Variants in XKR4 observed in about 807,000 individuals in gnomAD.
The protein encoded by XKR4 is XK related 4.
Under a neutral mutation model 53.9 loss-of-function variants are expected in XKR4, and 12 were observed. That is an observed-to-expected ratio of 0.22 (90% CI 0.14 to 0.36). The LOEUF is 0.36. XKR4 is among the 10% of genes least tolerant of loss of function. The pLI is 1.00. For synonymous variants in XKR4, 354 were observed against 362.4 expected (o/e 0.98, Z 0.26); for missense variants, 799 against 859.5 (o/e 0.93, Z 0.88).
intron 2 of XKR4, among the ~76,000 whole-genome samples, chr8:55,360,126 G>A (rs1042183767): frequency 6.6e-6 from 1 of 152,184 alleles, no homozygotes; most frequent in Non-Finnish European, 1.5e-5. Context: ...GAGTCAAGAG[G>A]AGGAATAAGC....
intron 2 of XKR4, among the ~76,000 whole-genome samples, chr8:55,374,648 A>T (rs1295363317): frequency 6.6e-6 from 1 of 152,182 alleles, no homozygotes; most frequent in African/African-American, 2.4e-5. Flanking sequence ...CAGGAAGAGC[A>T]TGGGGATGGG....
intron 1 of XKR4, among the ~76,000 whole-genome samples, chr8:55,210,583 AT>A (rs1817718162): frequency 6.6e-6 from 1 of 152,228 alleles, no homozygotes; most frequent in Non-Finnish European, 1.5e-5. Context: ...AAGAAAAACT[AT>A]TTTGTTTTTC....
At chr8:55,161,598 T>A in intron 1 of XKR4, 1 of 456,346 alleles carries the variant, frequency 2.2e-6, no homozygotes, top group South Asian at 1.5e-5. Context: ...ATTTGTTAGA[T>A]GTGGACGAAT....
At chr8:55,456,145 G>C (rs535063861) in intron 2 of XKR4, among the ~76,000 whole-genome samples, 117 of 152,288 alleles carry the variant, frequency 7.7e-4, no homozygotes, top group African/African-American at 2.1e-3. Flanking sequence ...TTGACTCAGA[G>C]TAGCAGCTGG....
intron 2 of XKR4, among the ~76,000 whole-genome samples, chr8:55,401,522 T>A (rs1804601756): frequency 6.6e-6 from 1 of 152,234 alleles, no homozygotes; most frequent in African/African-American, 2.4e-5. Flanking sequence ...CGGCTATAGC[T>A]CCAGCTGAGG....
intron 1 of XKR4, among the ~76,000 whole-genome samples, chr8:55,185,452 A>G (rs910058981): frequency 2.0e-5 from 3 of 152,228 alleles, no homozygotes; most frequent in Non-Finnish European, 1.5e-5. Context: ...TGATGGACAG[A>G]AACAGAAAAT....
In XKR4 at chr8:55,102,350, G is replaced by T; in HGVS notation, c.-139G>T. 6 of 1,113,284 alleles carry T rather than the reference G, an allele frequency of 5.4e-6. No homozygotes were observed. Among genetic ancestry groups the T allele is most frequent in the Non-Finnish European group, 6.7e-6 (6 of 899,322 alleles). The allele number at this position is 1,113,284 out of a possible 1,614,324, so 69.0% of individuals were successfully genotyped here. On this transcript the variant is annotated 5_prime_UTR_variant, in exon 1 of 3. Coordinates refer to ENST00000327381, the MANE Select transcript of XKR4 (RefSeq NM_052898.2). This position sits in a 1 kb window ranked among gnomAD's most constrained non-coding sequence, Gnocchi z 5.1. Reference sequence around the variant, plus strand: ...CGGCGGGCGGCGGCGGACGGCAGGCGAGCCGACGCAGGAGCAGGAGGAGGG... The same window carrying T: ...CGGCGGGCGGCGGCGGACGGCAGGCTAGCCGACGCAGGAGCAGGAGGAGGG...
chr8:55,364,290 G>C (rs1195182810), intron 2 of XKR4, among the ~76,000 whole-genome samples: 11 of 152,328 alleles, frequency 7.2e-5, no homozygotes. Flanking sequence ...TGACGCGCGA[G>C]TCTTTGCTCA....
intron 2 of XKR4, among the ~76,000 whole-genome samples, chr8:55,396,501 G>A (rs1804521167): frequency 2.1e-5 from 3 of 144,090 alleles, no homozygotes; most frequent in South Asian, 4.7e-4. Context: ...AGGGAAGAGA[G>A]GAATGTCACC....
At chr8:55,401,725 G>C (rs893985417) in intron 2 of XKR4, among the ~76,000 whole-genome samples, 1 of 152,230 alleles carries the variant, frequency 6.6e-6, no homozygotes, top group Non-Finnish European at 1.5e-5. Flanking sequence ...CCATTCACAA[G>C]TGTTTTGTGA....
At chr8:55,285,949 G>A (rs922456218) in intron 1 of XKR4, among the ~76,000 whole-genome samples, 2 of 152,216 alleles carry the variant, frequency 1.3e-5, no homozygotes, top group African/African-American at 4.8e-5. Flanking sequence ...AAGCAAATCT[G>A]AGTTTATTTT....
At chr8:55,443,648 C>A (rs1179908927) in intron 2 of XKR4, among the ~76,000 whole-genome samples, 1 of 149,510 alleles carries the variant, frequency 6.7e-6, no homozygotes, top group East Asian at 2.0e-4. Context: ...TCGAAACCAT[C>A]CTGGCCAACA....
chr8:55,183,381 T>A (rs902444197), intron 1 of XKR4, among the ~76,000 whole-genome samples: 4 of 151,884 alleles, frequency 2.6e-5, no homozygotes, highest in African/African-American at 7.3e-5. Flanking sequence ...CTTATCACTT[T>A]TCTCTAATGC....
At chr8:55,235,210 G>T (rs1275611454) in intron 1 of XKR4, among the ~76,000 whole-genome samples, 1 of 152,128 alleles carries the variant, frequency 6.6e-6, no homozygotes, top group African/African-American at 2.4e-5. Context: ...CTGTACCTGT[G>T]TTCTCTCCTC....
Position 55,539,025 on chromosome 8 carries a change from A to G in XKR4, c.*14798A>G, listed in dbSNP as rs1320924361. 1 of 152,222 alleles carries G rather than the reference A, an allele frequency of 6.6e-6. No homozygotes were observed. Among genetic ancestry groups the G allele is most frequent in the Non-Finnish European group, 1.5e-5 (1 of 68,036 alleles). The allele number at this position is 152,222 out of a possible 1,614,324, so 9.4% of individuals were successfully genotyped here. Reference sequence around the variant, plus strand: ...TTACATGTGCTTAGGTGGGAATTCTACTAAAGGATAAAGGACACAGTGTGA... The same window carrying G: ...TTACATGTGCTTAGGTGGGAATTCTGCTAAAGGATAAAGGACACAGTGTGA... On this transcript the variant is annotated 3_prime_UTR_variant, in exon 3 of 3. Coordinates refer to ENST00000327381, the MANE Select transcript of XKR4 (RefSeq NM_052898.2).
At chr8:55,283,348 T>C (rs911512361) in intron 1 of XKR4, among the ~76,000 whole-genome samples, 4 of 152,220 alleles carry the variant, frequency 2.6e-5, no homozygotes, top group Non-Finnish European at 5.9e-5. Flanking sequence ...CAATTTTAAA[T>C]ACCAGCTCCG....
chr8:55,472,812 G>GAATAA (rs1395667783), intron 2 of XKR4, among the ~76,000 whole-genome samples: 1 of 152,062 alleles, frequency 6.6e-6, no homozygotes, highest in Non-Finnish European at 1.5e-5. Flanking sequence ...AATGGGGGGT[G>GAATAA]AGGAAACGGA....
chr8:55,128,317 T>C (rs1056025851), intron 1 of XKR4, among the ~76,000 whole-genome samples: 6 of 152,226 alleles, frequency 3.9e-5, no homozygotes, highest in Non-Finnish European at 7.4e-5. Context: ...TATCTCATTG[T>C]AGTGCCTAAC....
chr8:55,536,048 A>T lies in XKR4; in HGVS notation c.*11821A>T, dbSNP rs951996504. 2 of 152,210 alleles carry T rather than the reference A, an allele frequency of 1.3e-5. No individual in the cohort carries two copies. Among genetic ancestry groups the T allele is most frequent in the African/African-American group, 4.8e-5 (2 of 41,462 alleles). 9.4% of individuals were successfully genotyped at this position (152,210 alleles called of 1,614,324 possible). A position where few individuals can be genotyped will look rare whatever the true frequency, so the allele number is the denominator to read the frequency against. On this transcript the variant is annotated 3_prime_UTR_variant, in exon 3 of 3. Coordinates refer to ENST00000327381, the MANE Select transcript of XKR4 (RefSeq NM_052898.2). ...ATTCAGGGTTACCATGGCCTTACTCATCTTCCCATTGTAAATATATCACAA... is the reference window on the plus strand; with the variant it reads ...ATTCAGGGTTACCATGGCCTTACTCTTCTTCCCATTGTAAATATATCACAA...
Sources: allele counts gnomAD v4.1 joint callset (sites outside exome capture counted in the v4.1 genomes callset), GRCh38; gene constraint gnomAD v4.1.1; non-coding constraint Gnocchi (gnomAD v3.1); transcripts MANE v1.5; gene names NCBI Gene and HGNC (gene_info 2026-07-23, HGNC 2026-07-21).